SLC1A6: variants seen among roughly 807,000 people sequenced by gnomAD.
SLC1A6 encodes the protein solute carrier family 1 member 6, also known as excitatory amino acid transporter 4.
Under a neutral mutation model 42.1 loss-of-function variants are expected in SLC1A6, and 15 were observed. The observed-to-expected ratio is 0.36, with a 90% CI of 0.24 to 0.55. SLC1A6 has a LOEUF of 0.55. Among genes scored for constraint, SLC1A6 ranks in the 20% least tolerant of loss-of-function variants. SLC1A6 has a pLI of 0.88. For missense variants in SLC1A6, 542 were observed against 772.5 expected (o/e 0.70, Z 3.54); for synonymous variants, 317 against 319.7 (o/e 0.99, Z 0.09).
chr19:14,956,217 A>C lies in SLC1A6; in HGVS notation c.1169+259T>G, dbSNP rs189607819. 7.9e-4 allele frequency among the ~76,000 whole-genome samples: 120 copies of C among 152,248 alleles called. 1 individual carries two copies. Among genetic ancestry groups the C allele is most frequent in the African/African-American group, 2.6e-3 (107 of 41,546 alleles). ...TGACTGAGCTCATGGGGCATCCTGG[A>C]ACCTTCCCTCTTAACCTCAAAACTG... On this transcript the variant is annotated intron_variant, in intron 7 of 9. Transcript: ENST00000594383.
At chr19:14,968,264 T>C (rs200018908) in intron 4 of SLC1A6, 39 bp downstream of exon 4, 2 of 1,475,304 alleles carry the variant, frequency 1.4e-6, no homozygotes, top group East Asian at 4.7e-5. Flanking sequence ...AAGTCTCCTT[T>C]TTCAAATGTG....
chr19:14,957,747 A>C (rs2045475338), intron 6 of SLC1A6, among the ~76,000 whole-genome samples: 1 of 152,248 alleles, frequency 6.6e-6, no homozygotes, highest in East Asian at 1.9e-4. Flanking sequence ...AGTGGTGATA[A>C]CAGCAAAGGA....
At chr19:15,003,071 C>G (rs748778072) in intron 1 of SLC1A6, among the ~76,000 whole-genome samples, 2 of 152,056 alleles carry the variant, frequency 1.3e-5, no homozygotes, top group Non-Finnish European at 2.9e-5. Context: ...CTCCGCCCCC[C>G]GGGTTCAAGC....
rs1243071795 is a variant in SLC1A6 at position 14,961,931 on chromosome 19, T to C, written c.935+71A>G. On this transcript the variant is annotated intron_variant, in intron 6 of 9. Coordinates refer to ENST00000594383, the MANE Select transcript of SLC1A6 (RefSeq NM_005071.3). ...TGACCAAAAGTCCCCAGCAAGCCCT[T>C]CGGCAGCTTCCCCACAGCCTGACTT... The C allele has an allele frequency of 1.2e-5, 19 of 1,528,014 alleles. No homozygotes were observed. The Admixed American group carries it at 2.1e-4, about 17-fold the overall frequency. 94.7% of individuals were successfully genotyped at this position (1,528,014 alleles called of 1,614,324 possible). A position where few individuals can be genotyped will look rare whatever the true frequency, so the allele number is the denominator to read the frequency against.
At chr19:14,959,537 TTC>T (rs1568285632) in intron 6 of SLC1A6, among the ~76,000 whole-genome samples, 2 of 152,248 alleles carry the variant, frequency 1.3e-5, no homozygotes, top group Admixed American at 6.5e-5. Flanking sequence ...GGAACAAGCA[TTC>T]TGTTTCTAAA....
At chr19:14,955,184 C>A (rs776970063) in intron 7 of SLC1A6, among the ~76,000 whole-genome samples, 1 of 152,140 alleles carries the variant, frequency 6.6e-6, no homozygotes, top group African/African-American at 2.4e-5. Context: ...TCCAGCTCAG[C>A]GGTGACTATG....
At chr19:14,990,382 A>G (rs2045813601) in intron 1 of SLC1A6, among the ~76,000 whole-genome samples, 1 of 152,264 alleles carries the variant, frequency 6.6e-6, no homozygotes. Context: ...AATTGAACTC[A>G]TAACAGCAGA....
chr19:14,983,719 CAAAAA>C (rs56657572), upstream of SLC1A6, among the ~76,000 whole-genome samples: 134 of 52,286 alleles, frequency 2.6e-3, no homozygotes, highest in African/African-American at 9.4e-3. Flanking sequence ...ACAACAACAC[CAAAAA>C]AAAAAAAAAA....
rs1213484552 is a variant in SLC1A6 at position 14,979,613 on chromosome 19, G to A, written c.-312C>T. On this transcript the variant is annotated 5_prime_UTR_variant, in exon 1 of 10. Coordinates refer to ENST00000594383, the MANE Select transcript of SLC1A6 (RefSeq NM_005071.3). This position sits in a 1 kb window ranked among gnomAD's most constrained non-coding sequence, Gnocchi z 4.2. ...CGGCGAAGCGCCCGGCCGGGGCCGC[G>A]GGGACCCGCCAGGGACTGTGCAGCA... 6.6e-6 allele frequency: 1 copy of A among 151,264 alleles called. No individual in the cohort carries two copies. Among genetic ancestry groups the A allele is most frequent in the African/African-American group, 2.4e-5 (1 of 41,306 alleles). The allele number at this position is 151,264 out of a possible 1,614,324, so 9.4% of individuals were successfully genotyped here.
At chr19:14,992,778 G>C (rs774927646) in intron 1 of SLC1A6, among the ~76,000 whole-genome samples, 3 of 152,180 alleles carry the variant, frequency 2.0e-5, no homozygotes, top group Non-Finnish European at 4.4e-5. Flanking sequence ...TAGGAGGGCA[G>C]GGCAGTGCAG....
chr19:15,008,935 G>T (rs1394375090), intron 1 of SLC1A6, among the ~76,000 whole-genome samples: 4 of 151,492 alleles, frequency 2.6e-5, no homozygotes, highest in Non-Finnish European at 5.9e-5. Flanking sequence ...GGCAGAGGTT[G>T]CAGTGAGCCG....
At chr19:14,981,735 C>T (rs938591803), upstream of SLC1A6, among the ~76,000 whole-genome samples, 9 of 152,182 alleles carry the variant, frequency 5.9e-5, no homozygotes, top group Admixed American at 2.0e-4. Flanking sequence ...CCTTTACACC[C>T]GTAACAATCA....
At chr19:14,987,091 T>G (rs1227024006) in intron 1 of SLC1A6, among the ~76,000 whole-genome samples, 2 of 152,148 alleles carry the variant, frequency 1.3e-5, no homozygotes, top group Non-Finnish European at 2.9e-5. Context: ...ACCCCCTGAA[T>G]GGTCTCAAGG....
chr19:14,985,129 G>A (rs1354992310), intron 1 of SLC1A6, among the ~76,000 whole-genome samples: 8 of 152,234 alleles, frequency 5.3e-5, no homozygotes, highest in African/African-American at 7.2e-5. Context: ...TGATCCGCCC[G>A]CATCGGCCTC....
chr19:14,956,837 T>A, intron 6 of SLC1A6, 128 bp from the exon 7 acceptor site: 1 of 607,716 alleles, frequency 1.6e-6, no homozygotes, highest in Non-Finnish European at 2.9e-6. Context: ...TACGGCACCC[T>A]ACTCCATCCC....
At chr19:14,951,212 A>G (rs2045408226) in intron 9 of SLC1A6, among the ~76,000 whole-genome samples, 2 of 139,562 alleles carry the variant, frequency 1.4e-5, no homozygotes, top group African/African-American at 2.7e-5. Flanking sequence ...AGATCGAGCC[A>G]CTGCACTCCA....
At chr19:14,995,883 C>T (rs547425898) in intron 1 of SLC1A6, among the ~76,000 whole-genome samples, 17 of 151,762 alleles carry the variant, frequency 1.1e-4, no homozygotes, top group Admixed American at 1.1e-3. Context: ...TAGGTTACCC[C>T]GGAAAAGAAC....
intron 1 of SLC1A6, among the ~76,000 whole-genome samples, chr19:14,988,374 G>C (rs919148613): frequency 1.3e-5 from 2 of 152,210 alleles, no homozygotes; most frequent in African/African-American, 4.8e-5. Flanking sequence ...AAAGGAGCTG[G>C]AACTTAAAGT....
In SLC1A6 at chr19:14,954,349, AC is replaced by A; in HGVS notation, c.1170-21del. On this transcript the variant is annotated intron_variant, in intron 7 of 9. Coordinates refer to ENST00000594383, the MANE Select transcript of SLC1A6 (RefSeq NM_005071.3). ...GCCGAGCTGGGGGAAAGAGCCCAGG[AC>A]TGAGGATGGGGCGTGGCCTGGTGGG... 2 of 1,601,466 alleles carry A rather than the reference AC, an allele frequency of 1.2e-6. No homozygotes were observed. The highest frequency in any genetic ancestry group is 2.2e-5 in the South Asian group (2 of 90,994).
Sources: allele counts gnomAD v4.1 joint callset (sites outside exome capture counted in the v4.1 genomes callset), GRCh38; gene constraint gnomAD v4.1.1; non-coding constraint Gnocchi (gnomAD v3.1); transcripts MANE v1.5; gene names NCBI Gene and HGNC (gene_info 2026-07-23, HGNC 2026-07-21).